Variants in MTM1 observed in about 807,000 individuals in gnomAD.
The protein encoded by MTM1 is myotubularin 1.
A neutral mutation model predicts 52.1 loss-of-function variants in MTM1; 9 were observed. The ratio of observed to expected loss-of-function variants is 0.17; its 90% CI spans 0.10 to 0.30. MTM1 has a LOEUF of 0.30. Among genes scored for constraint, MTM1 ranks in the 10% least tolerant of loss-of-function variants. The probability of loss-of-function intolerance (pLI) is 1.00; values close to 1 mark genes in which losing one functional copy is unlikely to be tolerated. For missense variants in MTM1, 277 were observed against 470.7 expected (o/e 0.59, Z 3.81); for synonymous variants, 136 against 163.8 (o/e 0.83, Z 1.29).
intron 11 of MTM1, among the ~76,000 whole-genome samples, chrX:150,658,980 A>G (rs1230625422): frequency 1.8e-5 from 2 of 111,780 alleles, no homozygotes; most frequent in Non-Finnish European, 3.8e-5. Context: ...CAGCCTCCCA[A>G]GTAGCTGGGA....
chrX:150,641,449 G>A (rs782472791), intron 8 of MTM1, 31 bp downstream of exon 8: 7 of 1,203,591 alleles, frequency 5.8e-6, no homozygotes, highest in Non-Finnish European at 7.9e-6. Context: ...TTCTCTTGAA[G>A]AGCACCTTTT....
intron 1 of MTM1, among the ~76,000 whole-genome samples, chrX:150,583,178 TA>T (rs1434987929): frequency 1.3e-5 from 1 of 74,777 alleles, no homozygotes; most frequent in African/African-American, 5.5e-5. Context: ...ATATAAATTA[TA>T]AATATATATA....
rs1221072786 is a variant in MTM1 at position 150,583,871 on chromosome X, TATATATTAA to T, written c.-10-8727_-10-8719del. ...TCAAATATATAAAATATATATTAAA[TATATATTAA>T]ATATATATATATATTTGATATATAT... On this transcript the variant is annotated intron_variant, in intron 1 of 14. Coordinates refer to ENST00000370396, the MANE Select transcript of MTM1 (RefSeq NM_000252.3). Among the ~76,000 whole-genome samples the T allele has an allele frequency of 2.0e-4, 9 of 44,345 alleles. 1 individual carries two copies. The highest frequency in any genetic ancestry group is 8.0e-4 in the African/African-American group (8 of 9,976). The allele number at this position is 44,345 out of a possible 115,157, so 38.5% of individuals were successfully genotyped here.
intron 6 of MTM1, among the ~76,000 whole-genome samples, chrX:150,628,363 T>A (rs1387545877): frequency 9.0e-6 from 1 of 111,414 alleles, no homozygotes; most frequent in Middle Eastern, 4.2e-3. Flanking sequence ...ACTTTCCCCA[T>A]AGCTTCTGAG....
chrX:150,658,584 TA>T (rs1402797819), intron 11 of MTM1, among the ~76,000 whole-genome samples: 12 of 109,385 alleles, frequency 1.1e-4, no homozygotes, highest in Non-Finnish European at 1.3e-4. Context: ...TAAAAATAAA[TA>T]AAAATTTTTT....
intron 6 of MTM1, among the ~76,000 whole-genome samples, chrX:150,635,302 G>T (rs183874597): frequency 8.9e-6 from 1 of 112,168 alleles, no homozygotes; most frequent in East Asian, 2.8e-4. Context: ...CAAACAAGAC[G>T]CGCTTGATGG....
At chrX:150,564,035 T>A (rs1351642640), upstream of MTM1, among the ~76,000 whole-genome samples, 1 of 111,891 alleles carries the variant, frequency 8.9e-6, no homozygotes, top group East Asian at 2.8e-4. Context: ...CACAGAACAT[T>A]TCTATCAATC....
chrX:150,638,873 A>G (rs1310646490), intron 6 of MTM1, 70 bp from the exon 7 acceptor site: 2 of 821,798 alleles, frequency 2.4e-6, no homozygotes, highest in African/African-American at 4.0e-5. Flanking sequence ...TTTGCGAGAA[A>G]TCAAAAGATG....
intron 5 of MTM1, 79 bp downstream of exon 5, chrX:150,614,778 G>GAA: frequency 1.6e-5 from 7 of 439,630 alleles, no homozygotes; most frequent in Non-Finnish European, 2.3e-5. Context: ...ATGTGGATTT[G>GAA]AAAAAAAAAA....
At chrX:150,567,371 A>G (rs2038275969), upstream of MTM1, among the ~76,000 whole-genome samples, 2 of 111,615 alleles carry the variant, frequency 1.8e-5, no homozygotes, top group Admixed American at 1.9e-4. Context: ...ATGTAGAAAC[A>G]CACGTACACA....
At position 150,671,996 on chromosome X, in the gene MTM1, T is replaced by C. The variant is rs1166977108; in HGVS notation, c.*401T>C. ...TCCTGAAGCTGCTTAACAGTTGCTT[T>C]GGATTCTCTAAGATGAATCCAAATG... On this transcript the variant is annotated 3_prime_UTR_variant, in exon 15 of 15. Coordinates refer to ENST00000370396, the MANE Select transcript of MTM1 (RefSeq NM_000252.3). 2.4e-5 allele frequency: 4 copies of C among 165,485 alleles called. No individual in the cohort carries two copies. Among genetic ancestry groups the C allele is most frequent in the Non-Finnish European group, 4.6e-5 (4 of 87,861 alleles). The allele number at this position is 165,485 out of a possible 1,213,427, so 13.6% of individuals were successfully genotyped here.
At chrX:150,583,318 AAT>A (rs1214944689) in intron 1 of MTM1, among the ~76,000 whole-genome samples, 2 of 55,581 alleles carry the variant, frequency 3.6e-5, no homozygotes, top group African/African-American at 7.6e-5. Flanking sequence ...TATAATTATA[AAT>A]ATATATAAAT....
chrX:150,571,993 C>T, intron 1 of MTM1, among the ~76,000 whole-genome samples: 1 of 112,193 alleles, frequency 8.9e-6, no homozygotes, highest in Non-Finnish European at 1.9e-5. Context: ...CCACGACAGT[C>T]TCATCTTTTT....
chrX:150,579,980 ACTT>A (rs373895526), intron 1 of MTM1, among the ~76,000 whole-genome samples: 1 of 110,876 alleles, frequency 9.0e-6, no homozygotes, highest in Non-Finnish European at 1.9e-5. Context: ...ATACAGTTTT[ACTT>A]CTTTTTTCCA....
At chrX:150,590,835 A>G (rs1237635652) in intron 1 of MTM1, among the ~76,000 whole-genome samples, 2 of 112,045 alleles carry the variant, frequency 1.8e-5, no homozygotes, top group African/African-American at 6.5e-5. Flanking sequence ...GTTGACTTAC[A>G]TTAGTGAAGC....
At chrX:150,649,656 G>GT in intron 9 of MTM1, 60 bp from the exon 10 acceptor site, 1 of 1,031,826 alleles carries the variant, frequency 9.7e-7, no homozygotes, top group Non-Finnish European at 1.4e-6. Flanking sequence ...AAATATTTGT[G>GT]TAAGTTTCTG....
chrX:150,581,962 A>G (rs983317369), intron 1 of MTM1, among the ~76,000 whole-genome samples: 1 of 112,349 alleles, frequency 8.9e-6, no homozygotes, highest in Non-Finnish European at 1.9e-5. Context: ...TAGCATAAGC[A>G]GATACTCTGT....
chrX:150,581,665 A>T (rs1278691475), intron 1 of MTM1, among the ~76,000 whole-genome samples: 2 of 111,603 alleles, frequency 1.8e-5, no homozygotes, highest in Non-Finnish European at 3.8e-5. Flanking sequence ...AGGAGGCATG[A>T]TGTCCTCATT....
chrX:150,607,348 A>G (rs1049740741), intron 4 of MTM1, among the ~76,000 whole-genome samples: 82 of 111,184 alleles, frequency 7.4e-4, no homozygotes, highest in Admixed American at 2.5e-3. Flanking sequence ...TGATACTATC[A>G]TCCTCTTTCT....
Sources: allele counts gnomAD v4.1 joint callset (sites outside exome capture counted in the v4.1 genomes callset), GRCh38; gene constraint gnomAD v4.1.1; transcripts MANE v1.5; gene names NCBI Gene and HGNC (gene_info 2026-07-23, HGNC 2026-07-21).